PRKCB: variants seen among roughly 807,000 people sequenced by gnomAD.
PRKCB encodes the protein protein kinase C beta, also known as protein kinase C beta type.
A neutral mutation model predicts 81.5 loss-of-function variants in PRKCB; 13 were observed. The ratio of observed to expected loss-of-function variants is 0.16; its 90% CI spans 0.10 to 0.25. The LOEUF is 0.25. Among genes scored for constraint, PRKCB ranks in the 10% least tolerant of loss-of-function variants. PRKCB has a pLI of 1.00. For synonymous variants in PRKCB, 335 were observed against 321.4 expected (o/e 1.04, Z -0.45); for missense variants, 509 against 875.7 (o/e 0.58, Z 5.29).
chr16:24,082,580 A>G (rs994153333), intron 5 of PRKCB, among the ~76,000 whole-genome samples: 15 of 152,216 alleles, frequency 9.9e-5, no homozygotes, highest in African/African-American at 3.4e-4. Context: ...TTGATTTTCA[A>G]CAAAAGTGCG....
chr16:23,900,976 A>G (rs2141721525), intron 2 of PRKCB, among the ~76,000 whole-genome samples: 1 of 152,156 alleles, frequency 6.6e-6, no homozygotes, highest in African/African-American at 2.4e-5. Context: ...TGCACCGTGC[A>G]TTCATCATGT....
chr16:24,002,978 G>T (rs1371601202), intron 3 of PRKCB, among the ~76,000 whole-genome samples: 2 of 152,020 alleles, frequency 1.3e-5, no homozygotes, highest in African/African-American at 4.8e-5. Context: ...AGGGGAGAGT[G>T]AGACCCTCCC....
At chr16:24,206,175 CT>C (rs544106832) in intron 16 of PRKCB, among the ~76,000 whole-genome samples, 286 of 152,264 alleles carry the variant, frequency 1.9e-3, no homozygotes, top group Non-Finnish European at 2.6e-3. Context: ...TTAAATCTCT[CT>C]TTTTTTCTGC....
At chr16:23,931,721 T>A (rs538860587) in intron 2 of PRKCB, among the ~76,000 whole-genome samples, 1 of 152,170 alleles carries the variant, frequency 6.6e-6, no homozygotes, top group East Asian at 1.9e-4. Flanking sequence ...TTCCCGGCCT[T>A]CTGGCCTGCT....
At chr16:24,148,242 A>C (rs1283011921) in intron 9 of PRKCB, among the ~76,000 whole-genome samples, 1 of 152,162 alleles carries the variant, frequency 6.6e-6, no homozygotes, top group Non-Finnish European at 1.5e-5. Context: ...TGTCAGCTTA[A>C]CCATCACTTC....
At chr16:24,175,325 A>G (rs1338588188) in intron 12 of PRKCB, among the ~76,000 whole-genome samples, 1 of 152,012 alleles carries the variant, frequency 6.6e-6, no homozygotes, top group Non-Finnish European at 1.5e-5. Context: ...ATGAAGAACC[A>G]CAAGAGTCTC....
intron 2 of PRKCB, among the ~76,000 whole-genome samples, chr16:23,975,631 T>A (rs1964615494): frequency 6.6e-6 from 1 of 152,146 alleles, no homozygotes; most frequent in African/African-American, 2.4e-5. Context: ...TTACGTCTTC[T>A]GCAATATCTA....
chr16:23,965,171 G>A (rs765405484), intron 2 of PRKCB, among the ~76,000 whole-genome samples: 1 of 152,170 alleles, frequency 6.6e-6, no homozygotes, highest in Non-Finnish European at 1.5e-5. Context: ...GGAGGTCTCA[G>A]TGTCTGTTGT....
At chr16:24,111,476 GC>G (rs796281142) in intron 7 of PRKCB, among the ~76,000 whole-genome samples, 8 of 151,862 alleles carry the variant, frequency 5.3e-5, no homozygotes, top group South Asian at 2.1e-4. Flanking sequence ...ACAAACTGAA[GC>G]CCCCATGTTT....
chr16:24,197,242 G>A (rs558310078), intron 16 of PRKCB, among the ~76,000 whole-genome samples: 4 of 152,310 alleles, frequency 2.6e-5, no homozygotes, highest in African/African-American at 9.6e-5. Context: ...CATTATGCAG[G>A]AAGCTGAAGT....
intron 2 of PRKCB, among the ~76,000 whole-genome samples, chr16:23,866,061 A>G (rs1340981743): frequency 1.3e-5 from 2 of 152,000 alleles, no homozygotes; most frequent in Non-Finnish European, 2.9e-5. Flanking sequence ...AAGTAGGATA[A>G]GAACAGCAGT....
At chr16:23,983,949 C>T (rs1175888454) in intron 2 of PRKCB, among the ~76,000 whole-genome samples, 1 of 152,128 alleles carries the variant, frequency 6.6e-6, no homozygotes, top group Non-Finnish European at 1.5e-5. Context: ...TAGAATAAAG[C>T]ACCTACTTGA....
intron 7 of PRKCB, among the ~76,000 whole-genome samples, chr16:24,109,151 C>T (rs1176271030): frequency 1.6e-5 from 2 of 124,588 alleles, no homozygotes; most frequent in Admixed American, 7.5e-5. Flanking sequence ...GCTGGCCGGG[C>T]GGGGGGCTGA....
chr16:24,216,450 G>T lies in PRKCB; in HGVS notation c.*1634G>T, dbSNP rs1968230011. ...GTGACTCCCCCTCCTCGCCTGCCGTGTCCTGCTATTCTCAGGCAGCTCTAA... is the reference window on the plus strand; with the variant it reads ...GTGACTCCCCCTCCTCGCCTGCCGTTTCCTGCTATTCTCAGGCAGCTCTAA... On this transcript the variant is annotated 3_prime_UTR_variant, in exon 17 of 17. Transcript: ENST00000643927. The T allele has an allele frequency of 1.0e-6, 1 of 985,298 alleles. No individual in the cohort carries two copies. The allele number at this position is 985,298 out of a possible 1,614,324, so 61.0% of individuals were successfully genotyped here.
At chr16:24,121,751 A>G (rs1305206699) in intron 8 of PRKCB, among the ~76,000 whole-genome samples, 2 of 152,216 alleles carry the variant, frequency 1.3e-5, no homozygotes, top group African/African-American at 2.4e-5. Flanking sequence ...TTGCCTCTTT[A>G]TCTTCAAAGC....
intron 9 of PRKCB, among the ~76,000 whole-genome samples, chr16:24,131,175 A>C (rs1260045347): frequency 6.6e-6 from 1 of 152,224 alleles, no homozygotes; most frequent in African/African-American, 2.4e-5. Context: ...GTTACTATAG[A>C]AACTAGGTGC....
At chr16:23,882,025 C>CTTTCTTTCTTTCTTTCTCTTTCTTTCTTT (rs1597226197) in intron 2 of PRKCB, among the ~76,000 whole-genome samples, 1 of 18,330 alleles carries the variant, frequency 5.5e-5, no homozygotes, top group Non-Finnish European at 1.2e-4. Flanking sequence ...TTTCTTTCTT[C>CTTTCTTTCTTTCTTTCTCTTTCTTTCTTT]CTTCCTTCCT....
At position 24,220,090 on chromosome 16, in the gene PRKCB, C is replaced by A. The variant is rs747003127; in HGVS notation, c.*5274C>A. 1 of 1,613,986 alleles carries A rather than the reference C, an allele frequency of 6.2e-7. No individual in the cohort carries two copies. Among genetic ancestry groups the A allele is most frequent in the African/African-American group, 1.3e-5 (1 of 74,906 alleles). ...ATTTGCTGGCTTCTCTTATACTAAC[C>A]CAGAGTTTGTCATTAATGTGTAGGT... On this transcript the variant is annotated 3_prime_UTR_variant, in exon 17 of 17. Coordinates refer to ENST00000643927, the MANE Select transcript of PRKCB (RefSeq NM_002738.7).
At chr16:24,090,674 G>A (rs1026787343) in intron 5 of PRKCB, among the ~76,000 whole-genome samples, 3 of 152,152 alleles carry the variant, frequency 2.0e-5, no homozygotes, top group South Asian at 2.1e-4. Context: ...ATGGACTGAC[G>A]AATAGGGGAA....
Sources: gnomAD v4.1 joint callset for allele counts (sites outside exome capture counted in the v4.1 genomes callset) on GRCh38, gnomAD v4.1.1 for gene constraint, MANE v1.5 for transcripts, NCBI Gene and HGNC (gene_info 2026-07-23, HGNC 2026-07-21) for gene names.